TNFSF11: variants seen among roughly 807,000 people sequenced by gnomAD.
TNFSF11 encodes tumor necrosis factor ligand superfamily member 11.
In TNFSF11, 12 loss-of-function variants were observed where a neutral mutation model predicts 32.2. The ratio of observed to expected loss-of-function variants is 0.37; its 90% CI spans 0.24 to 0.60. TNFSF11 has a LOEUF of 0.60. TNFSF11 is among the 20% of genes least tolerant of loss of function. The pLI, the probability that TNFSF11 is intolerant of heterozygous loss-of-function variation, is 0.66. For synonymous variants in TNFSF11, 172 were observed against 152.1 expected, an observed-to-expected ratio of 1.13 and a Z score of -0.96; for missense variants, 345 against 398.0, an observed-to-expected ratio of 0.87 and a Z score of 1.13.
chr13:42,583,240 C>A (rs1346921093), intron 2 of TNFSF11, among the ~76,000 whole-genome samples: 2 of 151,218 alleles, frequency 1.3e-5, no homozygotes, highest in African/African-American at 4.9e-5. Context: ...GTGAGACCTT[C>A]ATCTCTACAA....
intron 2 of TNFSF11, among the ~76,000 whole-genome samples, chr13:42,590,149 G>A (rs1259721331): frequency 6.6e-6 from 1 of 152,252 alleles, no homozygotes; most frequent in Non-Finnish European, 1.5e-5. Context: ...CCAGTGGCAA[G>A]CACATAGTTG....
chr13:42,596,326 T>G (rs867479286), intron 2 of TNFSF11, among the ~76,000 whole-genome samples: 1 of 152,168 alleles, frequency 6.6e-6, no homozygotes, highest in African/African-American at 2.4e-5. Flanking sequence ...GATCATATTT[T>G]CTGATGTCCC....
chr13:42,585,938 C>T (rs1300711407), intron 2 of TNFSF11, among the ~76,000 whole-genome samples: 1 of 152,214 alleles, frequency 6.6e-6, no homozygotes, highest in Non-Finnish European at 1.5e-5. Context: ...ACAAATTGCA[C>T]AAATCACATT....
upstream of TNFSF11, among the ~76,000 whole-genome samples, chr13:42,573,699 G>A (rs778153251): frequency 1.3e-5 from 2 of 152,188 alleles, no homozygotes; most frequent in Non-Finnish European, 2.9e-5. Flanking sequence ...ACTATATTTG[G>A]AAGCACTTTG....
upstream of TNFSF11, chr13:42,574,034 A>C: frequency 1.9e-6 from 1 of 522,908 alleles, no homozygotes; most frequent in Non-Finnish European, 3.4e-6. Context: ...GGGAGGGCGA[A>C]AGGAAGGAAG....
chr13:42,580,249 G>T (rs574166800), intron 1 of TNFSF11, among the ~76,000 whole-genome samples: 1 of 152,272 alleles, frequency 6.6e-6, no homozygotes, highest in East Asian at 1.9e-4. Context: ...CACCACAAAG[G>T]CTTGGAAGGA....
At chr13:42,570,266 A>G (rs1873015675), upstream of TNFSF11, among the ~76,000 whole-genome samples, 1 of 152,200 alleles carries the variant, frequency 6.6e-6, no homozygotes, top group Non-Finnish European at 1.5e-5. Context: ...TCAGCCCATG[A>G]CATGAGGTTC....
chr13:42,598,567 C>G (rs911248085), intron 2 of TNFSF11, among the ~76,000 whole-genome samples: 1 of 152,024 alleles, frequency 6.6e-6, no homozygotes, highest in African/African-American at 2.4e-5. Flanking sequence ...CATGTCAGAC[C>G]CCTCCACACA....
intron 2 of TNFSF11, among the ~76,000 whole-genome samples, chr13:42,593,503 G>A (rs1056285337): frequency 5.9e-5 from 9 of 152,144 alleles, no homozygotes; most frequent in Admixed American, 5.2e-4. Flanking sequence ...TTGAAGGAAG[G>A]CAGTGGTACC....
At chr13:42,599,349 C>CTATCTAATCTATCT in intron 2 of TNFSF11, among the ~76,000 whole-genome samples, 1 of 112,246 alleles carries the variant, frequency 8.9e-6, no homozygotes, top group South Asian at 3.6e-4. Flanking sequence ...ATCTATCTAT[C>CTATCTAATCTATCT]ATCTATCTAT....
At chr13:42,567,547 A>C (rs1872911059) in intron 2 of TNFSF11, among the ~76,000 whole-genome samples, 1 of 152,132 alleles carries the variant, frequency 6.6e-6, no homozygotes, top group Non-Finnish European at 1.5e-5. Context: ...AAACCAACCA[A>C]ATAGGCCCTG....
Position 42,607,562 on chromosome 13 carries a change from T to C in TNFSF11, c.*644T>C, listed in dbSNP as rs1341194129. On this transcript the variant is annotated 3_prime_UTR_variant, in exon 5 of 5. Transcript: ENST00000398795. ...ACTTTGTAAATTCCCTGGGGAAAAC[T>C]TGCAGCTAAGGAGGGGAAAAAAATG... is the stretch of plus-strand genomic sequence containing the variant. 1 of 152,764 alleles carries C rather than the reference T, an allele frequency of 6.5e-6. No homozygotes were observed. The highest frequency in any genetic ancestry group is 2.4e-5 in the African/African-American group (1 of 41,446). The allele number at this position is 152,764 out of a possible 1,614,324, so 9.5% of individuals were successfully genotyped here.
At chr13:42,601,548 C>T (rs1869175758) in intron 4 of TNFSF11, among the ~76,000 whole-genome samples, 1 of 152,214 alleles carries the variant, frequency 6.6e-6, no homozygotes, top group Admixed American at 6.5e-5. Flanking sequence ...CCGGAGCTCT[C>T]TGCCTACAGC....
In TNFSF11 at chr13:42,606,961, A is replaced by G. The variant is rs768725496; in HGVS notation, c.*43A>G. ...GTTATGTATTTCCTGGATGTTTGGA[A>G]ACATTTTTTAAAACAAGCCAAGAAA... On this transcript the variant is annotated 3_prime_UTR_variant, in exon 5 of 5. Coordinates refer to ENST00000398795, the MANE Select transcript of TNFSF11 (RefSeq NM_003701.4). 2 of 1,613,038 alleles carry G rather than the reference A, an allele frequency of 1.2e-6. No homozygotes were observed. Among genetic ancestry groups the G allele is most frequent in the African/African-American group, 2.7e-5 (2 of 74,906 alleles).
At chr13:42,566,423 G>A (rs12585014) in intron 1 of TNFSF11, among the ~76,000 whole-genome samples, 27,077 of 152,164 alleles carry the variant, frequency 0.18, 2,636 homozygotes, top group East Asian at 0.31. Context: ...GGTCTCAGGA[G>A]CTTGAAAGAG....
intron 1 of TNFSF11, among the ~76,000 whole-genome samples, chr13:42,574,964 C>T (rs1397319021): frequency 6.6e-6 from 1 of 152,260 alleles, no homozygotes. Flanking sequence ...TCCCGCCCAC[C>T]ACCCGGCGGG....
chr13:42,605,552 A>G (rs1285341411), intron 4 of TNFSF11, among the ~76,000 whole-genome samples: 1 of 152,186 alleles, frequency 6.6e-6, no homozygotes, highest in African/African-American at 2.4e-5. Flanking sequence ...CTGAAATATG[A>G]AAAGGATTGG....
upstream of TNFSF11, among the ~76,000 whole-genome samples, chr13:42,571,910 A>G (rs1873082324): frequency 6.6e-6 from 1 of 152,234 alleles, no homozygotes; most frequent in African/African-American, 2.4e-5. Context: ...GCAAGTATTT[A>G]CCATGCACCT....
intron 2 of TNFSF11, among the ~76,000 whole-genome samples, chr13:42,596,110 C>G (rs1250470964): frequency 6.6e-6 from 1 of 152,212 alleles, no homozygotes; most frequent in Admixed American, 6.5e-5. Context: ...TTGGCATGTG[C>G]ATAGCAAGGT....
Sources: gnomAD v4.1 joint callset for allele counts (sites outside exome capture counted in the v4.1 genomes callset) on GRCh38, gnomAD v4.1.1 for gene constraint, MANE v1.5 for transcripts, NCBI Gene and HGNC (gene_info 2026-07-23, HGNC 2026-07-21) for gene names.